The following FHIT variants were observed in gnomAD, a reference collection of about 807,000 sequenced individuals.
FHIT encodes the protein bis(5'-adenosyl)-triphosphatase.
FHIT carries 19 observed loss-of-function variants against 17.9 expected under a neutral mutation model. That is an observed-to-expected ratio of 1.06 (90% CI 0.74 to 1.56). The LOEUF (loss-of-function observed/expected upper bound fraction) is 1.56, where lower values mean the gene tolerates loss of function less well. Among genes scored for constraint, FHIT ranks in the 40% most tolerant of loss-of-function variants. FHIT has a pLI of 0.00. For synonymous variants in FHIT, 81 were observed against 69.7 expected (o/e 1.16, Z -0.81); for missense variants, 248 against 189.2 (o/e 1.31, Z -1.82).
intron 7 of FHIT, among the ~76,000 whole-genome samples, chr3:59,972,506 T>C (rs866735494): frequency 6.6e-6 from 1 of 152,102 alleles, no homozygotes; most frequent in African/African-American, 2.4e-5. Flanking sequence ...GCCTCCAGCC[T>C]AAACCTCTGA....
intron 5 of FHIT, among the ~76,000 whole-genome samples, chr3:60,368,925 G>C (rs1036956102): frequency 6.6e-6 from 1 of 151,802 alleles, no homozygotes; most frequent in African/African-American, 2.4e-5. Flanking sequence ...GCAGAGACTA[G>C]TTGGCTGTTA....
At chr3:60,989,437 A>G (rs922463720) in intron 3 of FHIT, among the ~76,000 whole-genome samples, 2 of 152,026 alleles carry the variant, frequency 1.3e-5, no homozygotes, top group African/African-American at 4.8e-5. Context: ...AAGATATCAT[A>G]TTACGGAAAC....
At chr3:60,844,193 G>C (rs1336709557) in intron 3 of FHIT, among the ~76,000 whole-genome samples, 1 of 152,138 alleles carries the variant, frequency 6.6e-6, no homozygotes, top group African/African-American at 2.4e-5. Flanking sequence ...TTGGACAAAT[G>C]TTAAATGAGA....
At chr3:60,946,931 C>T (rs1288936996) in intron 3 of FHIT, among the ~76,000 whole-genome samples, 1 of 152,116 alleles carries the variant, frequency 6.6e-6, no homozygotes, top group Non-Finnish European at 1.5e-5. Context: ...TGAAACGAGG[C>T]CAGTGTGTCT....
At chr3:60,553,888 C>A (rs183852958) in intron 4 of FHIT, among the ~76,000 whole-genome samples, 92 of 152,072 alleles carry the variant, frequency 6.0e-4, no homozygotes, top group African/African-American at 2.2e-3. Flanking sequence ...GAGTTTGAGA[C>A]CAGCCTGGCC....
intron 5 of FHIT, among the ~76,000 whole-genome samples, chr3:60,039,452 G>C (rs1487345453): frequency 2.6e-5 from 4 of 152,174 alleles, no homozygotes; most frequent in Admixed American, 6.5e-5. Flanking sequence ...ACAAAGCTAG[G>C]TGATGGAAAA....
chr3:60,191,852 A>G (rs1180483283), intron 5 of FHIT, among the ~76,000 whole-genome samples: 7 of 152,154 alleles, frequency 4.6e-5, no homozygotes, highest in Non-Finnish European at 8.8e-5. Flanking sequence ...ACAGTGGGAG[A>G]AACCCAAAAG....
At chr3:60,733,548 C>G (rs1327179867) in intron 4 of FHIT, among the ~76,000 whole-genome samples, 1 of 152,170 alleles carries the variant, frequency 6.6e-6, no homozygotes, top group Non-Finnish European at 1.5e-5. Context: ...CTACACCCAC[C>G]TCAACCAACC....
At chr3:60,387,469 C>A (rs540335014) in intron 5 of FHIT, among the ~76,000 whole-genome samples, 1 of 152,134 alleles carries the variant, frequency 6.6e-6, no homozygotes, top group Non-Finnish European at 1.5e-5. Flanking sequence ...TTGGTGGTTG[C>A]GGTCTAAGTG....
chr3:60,476,739 G>A (rs1380289242), intron 5 of FHIT, among the ~76,000 whole-genome samples: 3 of 152,124 alleles, frequency 2.0e-5, no homozygotes, highest in Non-Finnish European at 4.4e-5. Context: ...AAACAAATCA[G>A]CTGACCATTT....
intron 5 of FHIT, among the ~76,000 whole-genome samples, chr3:60,129,322 A>T (rs1699420810): frequency 1.3e-5 from 2 of 152,106 alleles, no homozygotes; most frequent in African/African-American, 4.8e-5. Context: ...GATTACAGGC[A>T]TGAGCCACTG....
intron 5 of FHIT, among the ~76,000 whole-genome samples, chr3:60,289,723 T>C (rs1348340871): frequency 6.6e-6 from 1 of 152,176 alleles, no homozygotes; most frequent in Non-Finnish European, 1.5e-5. Context: ...TGCCTAGAAA[T>C]GATGTTCCGT....
intron 8 of FHIT, among the ~76,000 whole-genome samples, chr3:59,806,280 G>A (rs1700193417): frequency 6.6e-6 from 1 of 152,078 alleles, no homozygotes; most frequent in African/African-American, 2.4e-5. Flanking sequence ...AAATGGTAGA[G>A]TTAATTTTTA....
intron 8 of FHIT, among the ~76,000 whole-genome samples, chr3:59,834,962 G>A (rs1179379651): frequency 6.6e-6 from 1 of 152,052 alleles, no homozygotes; most frequent in Admixed American, 6.6e-5. Context: ...ATGTTGTGTT[G>A]GTGGTAATTT....
At chr3:60,194,229 A>G (rs1182515578) in intron 5 of FHIT, among the ~76,000 whole-genome samples, 3 of 152,188 alleles carry the variant, frequency 2.0e-5, no homozygotes, top group Non-Finnish European at 2.9e-5. Context: ...GTACTAGTAT[A>G]AAAGTAGATT....
intron 7 of FHIT, among the ~76,000 whole-genome samples, chr3:59,999,401 T>G (rs1699641875): frequency 6.6e-6 from 1 of 152,172 alleles, no homozygotes; most frequent in Non-Finnish European, 1.5e-5. Flanking sequence ...TAAGCTCTTC[T>G]AGGGCCATTG....
At chr3:59,899,506 T>C (rs1190401705) in intron 8 of FHIT, among the ~76,000 whole-genome samples, 4 of 152,084 alleles carry the variant, frequency 2.6e-5, no homozygotes, top group Admixed American at 6.5e-5. Flanking sequence ...TTAGGTGATA[T>C]TGAAAGGATG....
At chr3:60,617,920 G>T in intron 4 of FHIT, 1 of 231,818 alleles carries the variant, frequency 4.3e-6, no homozygotes, top group Non-Finnish European at 8.8e-6. Flanking sequence ...AGTAATTTGT[G>T]ATAACTGAAA....
intron 3 of FHIT, among the ~76,000 whole-genome samples, chr3:60,927,400 C>G (rs552999276): frequency 1.3e-5 from 2 of 152,202 alleles, no homozygotes; most frequent in Admixed American, 1.3e-4. Flanking sequence ...TCTGCCCCGC[C>G]GCCACCCTGT....
Sources: allele counts gnomAD v4.1 joint callset (sites outside exome capture counted in the v4.1 genomes callset), GRCh38; gene constraint gnomAD v4.1.1; transcripts MANE v1.5; gene names NCBI Gene and HGNC (gene_info 2026-07-23, HGNC 2026-07-21).